Variants in MUC12 observed in about 807,000 individuals in gnomAD.
MUC12 encodes mucin-12.
A neutral mutation model predicts 230.8 loss-of-function variants in MUC12; 172 were observed. The ratio of observed to expected loss-of-function variants is 0.75; its 90% CI spans 0.66 to 0.85. MUC12 has a LOEUF of 0.85. Ranked by LOEUF, MUC12 falls within the 40% of genes least tolerant of loss-of-function variation. The pLI, the probability that MUC12 is intolerant of heterozygous loss-of-function variation, is 0.00. For synonymous variants in MUC12, 1,259 were observed against 2,401.9 expected (o/e 0.52, Z 13.91); for missense variants, 3,506 against 5,920.6 (o/e 0.59, Z 13.38).
chr7:101,008,006 G>A (rs1322881660), intron 3 of MUC12, among the ~76,000 whole-genome samples: 18 of 149,404 alleles, frequency 1.2e-4, no homozygotes, highest in Non-Finnish European at 1.9e-4. Flanking sequence ...GGGTTTCACC[G>A]TGTTAGCCAG....
intron 1 of MUC12, among the ~76,000 whole-genome samples, chr7:100,980,724 A>G (rs1040533657): frequency 6.6e-6 from 1 of 152,050 alleles, no homozygotes; most frequent in Non-Finnish European, 1.5e-5. Context: ...GGGAGTTGAG[A>G]CTAGCCTGGG....
At position 100,995,843 on chromosome 7, in the gene MUC12, C is replaced by T; in HGVS notation, c.5280C>T (p.Ser1760=). The change falls in exon 2 of 12, where the codon TCC becomes TCT. Residue 1760 remains serine, a synonymous_variant. Coordinates refer to ENST00000536621, the MANE Select transcript of MUC12 (RefSeq NM_001164462.2). ...CAACAACACCCTCGCCTGCCCGCTC[C>T]ACAACCTCAGGCCTCGTTGAAGAAT... ...ATATTPSPAR[S]TTSGLVEEST... is the part of the protein sequence containing the mutation. The T allele has an allele frequency of 3.4e-6, 5 of 1,460,464 alleles. No homozygotes were observed. Among genetic ancestry groups the T allele is most frequent in the Non-Finnish European group, 4.6e-6 (5 of 1,089,470 alleles). The allele number at this position is 1,460,464 out of a possible 1,614,324, so 90.5% of individuals were successfully genotyped here.
chr7:100,973,845 C>T (rs1021413524), intron 1 of MUC12, among the ~76,000 whole-genome samples: 8 of 151,744 alleles, frequency 5.3e-5, no homozygotes, highest in African/African-American at 1.9e-4. Context: ...GTAGTGACAC[C>T]CCATCTCTAA....
chr7:101,002,877 C>T lies in MUC12; in HGVS notation c.12314C>T (p.Thr4105Ile). 8.5e-7 allele frequency: 1 copy of T among 1,172,556 alleles called. No homozygotes were observed. Among genetic ancestry groups the T allele is most frequent in the African/African-American group, 1.8e-5 (1 of 56,700 alleles). 72.6% of individuals were successfully genotyped at this position (1,172,556 alleles called of 1,614,324 possible). A position where few individuals can be genotyped will look rare whatever the true frequency, so the allele number is the denominator to read the frequency against. The change falls in exon 2 of 12, where the codon ACA becomes ATA. Residue 4105 changes from threonine (T) to isoleucine (I), a missense_variant. Transcript: ENST00000536621. Reference sequence around the variant, plus strand: ...ACAGCAGTCCCTGTTGAAGTATCCACAACCTACCACAGCCGCCCGAGCTCA... The same window carrying T: ...ACAGCAGTCCCTGTTGAAGTATCCATAACCTACCACAGCCGCCCGAGCTCA... ...STTAVPVEVS[T>I]TYHSRPSSTP...
chr7:100,983,551 C>T (rs1793141939), intron 1 of MUC12, among the ~76,000 whole-genome samples: 1 of 152,154 alleles, frequency 6.6e-6, no homozygotes, highest in Non-Finnish European at 1.5e-5. Context: ...CTGAGAAAGT[C>T]TAATTAAGCC....
intron 1 of MUC12, among the ~76,000 whole-genome samples, chr7:100,977,846 G>A (rs1793055779): frequency 6.6e-6 from 1 of 152,084 alleles, no homozygotes; most frequent in Admixed American, 6.6e-5. Context: ...GGGATTACAA[G>A]CGTGAGCCAC....
At chr7:101,010,638 C>T (rs951285763) in intron 5 of MUC12, among the ~76,000 whole-genome samples, 15 of 151,946 alleles carry the variant, frequency 9.9e-5, no homozygotes, top group South Asian at 2.1e-4. Context: ...CCTTAGCTTC[C>T]CGAGTAGCTG....
chr7:101,004,886 T>C lies in MUC12; in HGVS notation c.14323T>C (p.Ser4775Pro). 6.5e-7 allele frequency: 1 copy of C among 1,537,228 alleles called. No homozygotes were observed. The change falls in exon 2 of 12, where the codon TCA becomes CCA. Residue 4775 changes from serine to proline, a missense_variant. Coordinates refer to ENST00000536621, the MANE Select transcript of MUC12 (RefSeq NM_001164462.2). Reference protein sequence around the residue: ...EPTSLYSQAESTHTTAFPAST... With the variant: ...EPTSLYSQAEPTHTTAFPAST... ...CACCAGCTTGTATAGCCAAGCAGAG[T>C]CAACACACACAACAGCGTTCCCTGC...
intron 1 of MUC12, among the ~76,000 whole-genome samples, chr7:100,970,926 G>A (rs1036475522): frequency 6.6e-6 from 1 of 152,108 alleles, no homozygotes; most frequent in African/African-American, 2.4e-5. Flanking sequence ...GAACCCGGGA[G>A]GCGGAGCCTG....
intron 3 of MUC12, among the ~76,000 whole-genome samples, chr7:101,007,916 G>A (rs935496916): frequency 1.3e-5 from 2 of 151,032 alleles, no homozygotes; most frequent in African/African-American, 2.4e-5. Context: ...TCCTGCCTCA[G>A]CCTCCCAAGT....
rs565524249 is a variant in MUC12, at chr7:100,991,203, C to G, written c.640C>G (p.Pro214Ala). ...AACACTGTCCCCTGGCACTACCACA[C>G]CATCATCCCTTGGTCCAGAATCTAC... ...DTTLSPGTTT[P>A]SSLGPESTTF... Residue 214 changes from proline to alanine, a missense_variant, in exon 2 of 12, where the codon CCA becomes GCA. By Grantham distance (27) the Pro-to-Ala change is conservative. Coordinates refer to ENST00000536621, the MANE Select transcript of MUC12 (RefSeq NM_001164462.2). 439 of 1,537,442 alleles carry G rather than the reference C, an allele frequency of 2.9e-4. 8 individuals carry two copies. The East Asian group carries it at 7.9e-3, about 28-fold the overall frequency.
chr7:100,990,980 C>T lies in MUC12; in HGVS notation c.417C>T (p.Thr139=), dbSNP rs980414248. Residue 139 remains threonine, a synonymous_variant, in exon 2 of 12, where the codon ACC becomes ACT. Transcript: ENST00000536621. ...CAGGCCTGAGTGAGAAATCTACCAC[C>T]TTCTACAGTAGCCCCAGATCACCAG... The part of the protein sequence containing the change: ...TTAGLSEKST[T]FYSSPRSPDR... 15 of 1,537,764 alleles carry T rather than the reference C, an allele frequency of 9.8e-6. No homozygotes were observed. The Admixed American group carries it at 2.4e-4, about 24-fold the overall frequency.
intron 9 of MUC12, chr7:101,015,308 A>C (rs1182390439): frequency 5.6e-6 from 2 of 355,386 alleles, no homozygotes; most frequent in Non-Finnish European, 1.0e-5. Context: ...GGTTGCTGGG[A>C]AACCCTGGCA....
At chr7:100,970,693 G>A (rs2116247687) in intron 1 of MUC12, among the ~76,000 whole-genome samples, 2 of 152,148 alleles carry the variant, frequency 1.3e-5, no homozygotes, top group Middle Eastern at 3.4e-3. Context: ...CCAACATGGT[G>A]AAACCCCAAC....
In MUC12 at chr7:101,004,909, T is replaced by C; in HGVS notation, c.14346T>C (p.Pro4782=). The C allele has an allele frequency of 6.5e-7, 1 of 1,537,916 alleles. No individual in the cohort carries two copies. Among genetic ancestry groups the C allele is most frequent in the Non-Finnish European group, 8.7e-7 (1 of 1,147,056 alleles). ...AGTCAACACACACAACAGCGTTCCCTGCCAGCACCACCACCTCAGGCCTCA... is the reference window on the plus strand; with the variant it reads ...AGTCAACACACACAACAGCGTTCCCCGCCAGCACCACCACCTCAGGCCTCA... ...QAESTHTTAF[P]ASTTTSGLSQ... is the part of the protein sequence containing the mutation. The change falls in exon 2 of 12, where the codon CCT becomes CCC. Residue 4782 remains proline, a synonymous_variant. Transcript: ENST00000536621.
chr7:101,002,818 C>G lies in MUC12; in HGVS notation c.12255C>G (p.Ser4085Arg), dbSNP rs1348569492. Residue 4085 changes from serine (S) to arginine (R), a missense_variant, in exon 2 of 12, where the codon AGC becomes AGG. Ser to Arg is a moderately radical substitution (Grantham distance 110). Transcript: ENST00000536621. ...CTACCACTTTCCAGAGCTGGCCAAG[C>G]TCAAGTGACACAACACCTTCACCTC... ...EESTTFQSWPSSSDTTPSPPS... is the reference protein window; with the variant it reads ...EESTTFQSWPRSSDTTPSPPS... 8.6e-7 allele frequency: 1 copy of G among 1,157,108 alleles called. No homozygotes were observed. Among genetic ancestry groups the G allele is most frequent in the Non-Finnish European group, 1.2e-6 (1 of 835,328 alleles). The allele number at this position is 1,157,108 out of a possible 1,614,324, so 71.7% of individuals were successfully genotyped here. A position where few individuals can be genotyped will look rare whatever the true frequency, so the allele number is the denominator to read the frequency against.
chr7:100,981,671 C>T (rs1448135444), intron 1 of MUC12, among the ~76,000 whole-genome samples: 2 of 152,102 alleles, frequency 1.3e-5, no homozygotes, highest in African/African-American at 4.8e-5. Context: ...GGTAACAAAT[C>T]GGAGAGAAAA....
intron 5 of MUC12, among the ~76,000 whole-genome samples, chr7:101,011,765 C>T (rs1376987487): frequency 1.3e-5 from 2 of 152,188 alleles, no homozygotes; most frequent in Admixed American, 1.3e-4. Flanking sequence ...CCACAATAGA[C>T]CACATTTGTT....
chr7:100,989,650 C>G (rs948258065), intron 1 of MUC12, among the ~76,000 whole-genome samples: 6 of 151,954 alleles, frequency 3.9e-5, no homozygotes, highest in African/African-American at 1.5e-4. Flanking sequence ...TTCTCCACAA[C>G]CATACAGATA....
Sources: gnomAD v4.1 joint callset for allele counts (sites outside exome capture counted in the v4.1 genomes callset) on GRCh38, gnomAD v4.1.1 for gene constraint, MANE v1.5 for transcripts, NCBI Gene and HGNC (gene_info 2026-07-23, HGNC 2026-07-21) for gene names.